RIMS1: variants seen among roughly 807,000 people sequenced by gnomAD.
RIMS1 encodes regulating synaptic membrane exocytosis protein 1.
RIMS1 carries 83 observed loss-of-function variants against 214.1 expected under a neutral mutation model. The observed-to-expected ratio is 0.39, with a 90% confidence interval of 0.32 to 0.47. The LOEUF is 0.47. Ranked by LOEUF, RIMS1 falls within the 20% of genes least tolerant of loss-of-function variation. The probability of loss-of-function intolerance (pLI) is 0.99; values close to 1 mark genes in which losing one functional copy is unlikely to be tolerated. For missense variants in RIMS1, 2,050 were observed against 2,161.8 expected, an observed-to-expected ratio of 0.95 and a Z score of 1.03; for synonymous variants, 793 against 786.8, an observed-to-expected ratio of 1.01 and a Z score of -0.13.
intron 4 of RIMS1, among the ~76,000 whole-genome samples, chr6:72,142,461 CTCTT>C (rs1209032311): frequency 6.6e-6 from 1 of 151,960 alleles, no homozygotes; most frequent in African/African-American, 2.4e-5. Flanking sequence ...ATGATATGAC[CTCTT>C]TCTACTTCCT....
intron 19 of RIMS1, chr6:72,261,823 G>T: frequency 2.0e-6 from 2 of 985,088 alleles, no homozygotes; most frequent in Non-Finnish European, 2.4e-6. Flanking sequence ...TGCCATGTTT[G>T]CTTGGAGTGC....
chr6:72,252,907 T>G lies in RIMS1; in HGVS notation c.2770+75T>G. 2.9e-6 allele frequency: 3 copies of G among 1,043,206 alleles called. No individual in the cohort carries two copies. The South Asian group carries it at 4.1e-5, about 14-fold the overall frequency. The allele number at this position is 1,043,206 out of a possible 1,614,324, so 64.6% of individuals were successfully genotyped here. On this transcript the variant is annotated intron_variant, in intron 16 of 33. Coordinates refer to ENST00000521978, the MANE Select transcript of RIMS1 (RefSeq NM_014989.7). Reference sequence around the variant, plus strand: ...TTTCTCTGTCAGCTTCCGGACCTCTTTAGGATACTAAACTGAAGATTTATA... The same window carrying G: ...TTTCTCTGTCAGCTTCCGGACCTCTGTAGGATACTAAACTGAAGATTTATA...
intron 4 of RIMS1, among the ~76,000 whole-genome samples, chr6:72,175,615 G>A (rs1205003857): frequency 3.9e-5 from 6 of 151,988 alleles, no homozygotes; most frequent in Non-Finnish European, 8.8e-5. Flanking sequence ...GGAGGTTGCA[G>A]TGAGCCAAGA....
At position 72,118,659 on chromosome 6, in the gene RIMS1, G is replaced by T. The variant is rs568851865; in HGVS notation, c.471+18673G>T. On this transcript the variant is annotated intron_variant, in intron 4 of 33. Transcript: ENST00000521978. ...GTGGGTTTCATACCAGGTATGCAGG[G>T]ATGTTTTAACATAAGCAGGTCAATA... Among the ~76,000 whole-genome samples, 8 of 151,808 alleles carry T rather than the reference G, an allele frequency of 5.3e-5. 1 individual carries two copies. The highest frequency in any genetic ancestry group is 1.0e-4 in the Non-Finnish European group (7 of 67,774).
chr6:72,068,588 A>G (rs1344850573), intron 2 of RIMS1, among the ~76,000 whole-genome samples: 3 of 152,170 alleles, frequency 2.0e-5, no homozygotes, highest in East Asian at 1.9e-4. Context: ...TTGCAACAGT[A>G]TCATCAATGA....
intron 6 of RIMS1, among the ~76,000 whole-genome samples, chr6:72,228,980 A>T (rs2061134472): frequency 6.6e-6 from 1 of 151,922 alleles, no homozygotes; most frequent in African/African-American, 2.4e-5. Context: ...CATTTAGAAA[A>T]CAATAGCGCT....
rs756424574 is a variant in RIMS1, at chr6:72,235,652, A to C, written c.1781A>C (p.Asp594Ala). The change falls in exon 8 of 34, where the codon GAC becomes GCC. Residue 594 changes from aspartate (D) to alanine (A), a missense_variant. Asp to Ala is a moderately radical substitution (Grantham distance 126). Around this residue, in one of 6 missense-constraint regions of RIMS1, gnomAD observed 882 missense variants for 828.9 expected, o/e 1.06. Coordinates refer to ENST00000521978, the MANE Select transcript of RIMS1 (RefSeq NM_014989.7). Reference sequence around the variant, plus strand: ...ACGTGGCAACCATCTAAAGAGGGGGACCGATTAATTGGACGTGTTATTCTT... The same window carrying C: ...ACGTGGCAACCATCTAAAGAGGGGGCCCGATTAATTGGACGTGTTATTCTT... ...PVTWQPSKEG[D>A]RLIGRVILNK... 6.2e-7 allele frequency: 1 copy of C among 1,611,120 alleles called. No individual in the cohort carries two copies. Among genetic ancestry groups the C allele is most frequent in the Non-Finnish European group, 8.5e-7 (1 of 1,178,464 alleles).
At chr6:72,186,062 C>T (rs1010405852) in intron 6 of RIMS1, among the ~76,000 whole-genome samples, 38 of 152,184 alleles carry the variant, frequency 2.5e-4, no homozygotes, top group Non-Finnish European at 1.0e-4. Context: ...TAACATACAA[C>T]ATTTGTGTTA....
intron 29 of RIMS1, among the ~76,000 whole-genome samples, chr6:72,362,743 C>T (rs943915751): frequency 1.3e-5 from 2 of 152,144 alleles, no homozygotes; most frequent in Non-Finnish European, 2.9e-5. Flanking sequence ...TGATTTCTAA[C>T]CATCTCTTCA....
intron 2 of RIMS1, among the ~76,000 whole-genome samples, chr6:72,089,615 T>A (rs1457071763): frequency 6.6e-6 from 1 of 151,948 alleles, no homozygotes; most frequent in African/African-American, 2.4e-5. Context: ...GCCTGGCTAA[T>A]ATATTTTTAT....
intron 1 of RIMS1, among the ~76,000 whole-genome samples, chr6:71,961,509 T>C (rs1175942433): frequency 6.6e-6 from 1 of 152,106 alleles, no homozygotes; most frequent in East Asian, 1.9e-4. Flanking sequence ...CTTTTCTCAG[T>C]ACAGCTTTCA....
At chr6:72,270,286 A>C (rs1159005035) in intron 22 of RIMS1, among the ~76,000 whole-genome samples, 3 of 152,196 alleles carry the variant, frequency 2.0e-5, no homozygotes, top group Non-Finnish European at 4.4e-5. Flanking sequence ...TGGGGGAAAA[A>C]TATTTAAGGA....
At chr6:72,392,141 C>T (rs2098712662) in intron 30 of RIMS1, among the ~76,000 whole-genome samples, 1 of 152,188 alleles carries the variant, frequency 6.6e-6, no homozygotes, top group Non-Finnish European at 1.5e-5. Flanking sequence ...CCTTGTGCAG[C>T]TTACATCCTG....
intron 27 of RIMS1, 93 bp downstream of exon 27, chr6:72,307,463 G>A (rs2095270549): frequency 2.5e-6 from 2 of 810,064 alleles, no homozygotes; most frequent in Admixed American, 5.7e-5. Flanking sequence ...TTATATAAGA[G>A]AAGTTATCAT....
chr6:72,313,551 G>T lies in RIMS1; in HGVS notation c.4009G>T (p.Ala1337Ser). 1.2e-6 allele frequency: 2 copies of T among 1,613,698 alleles called. No individual in the cohort carries two copies. The highest frequency in any genetic ancestry group is 1.7e-5 in the Admixed American group (1 of 59,984). Residue 1337 changes from alanine (A) to serine (S), a missense_variant, in exon 28 of 34, where the codon GCC becomes TCC. By Grantham distance (99) the Ala-to-Ser change is moderately conservative. Coordinates refer to ENST00000521978, the MANE Select transcript of RIMS1 (RefSeq NM_014989.7). Reference sequence around the variant, plus strand: ...GTACAGAAGCTGTGATAACGTCTCTGCCAAATCATCAGATAGTGATGTCAG... The same window carrying T: ...GTACAGAAGCTGTGATAACGTCTCTTCCAAATCATCAGATAGTGATGTCAG... ...DQYRSCDNVS[A>S]KSSDSDVSDV... is the part of the protein sequence containing the mutation.
intron 1 of RIMS1, among the ~76,000 whole-genome samples, chr6:71,890,933 A>G (rs966199185): frequency 1.2e-4 from 19 of 152,330 alleles, no homozygotes; most frequent in African/African-American, 4.6e-4. Flanking sequence ...TGGTCCAATC[A>G]TGATTCAAAA....
chr6:72,361,102 T>C (rs2097801580), intron 29 of RIMS1, among the ~76,000 whole-genome samples: 7 of 124,990 alleles, frequency 5.6e-5, no homozygotes, highest in African/African-American at 1.5e-4. Flanking sequence ...CTTTCTTTTT[T>C]TTTTTTTTTT....
At chr6:72,365,615 A>G (rs2097974424) in intron 29 of RIMS1, among the ~76,000 whole-genome samples, 1 of 152,242 alleles carries the variant, frequency 6.6e-6, no homozygotes. Context: ...ACCATTAGTA[A>G]TATGCTAGAA....
At chr6:71,942,211 T>C (rs2151025215) in intron 1 of RIMS1, among the ~76,000 whole-genome samples, 1 of 152,326 alleles carries the variant, frequency 6.6e-6, no homozygotes, top group Middle Eastern at 3.4e-3. Flanking sequence ...AAGGCCAGTA[T>C]AGGTAACTCC....
Sources: allele counts gnomAD v4.1 joint callset (sites outside exome capture counted in the v4.1 genomes callset), GRCh38; gene constraint gnomAD v4.1.1; regional missense constraint gnomAD v4.1.1; transcripts MANE v1.5; gene names NCBI Gene and HGNC (gene_info 2026-07-23, HGNC 2026-07-21).